The following TRAPPC8 variants were observed in gnomAD, a reference collection of about 807,000 sequenced individuals.
TRAPPC8 encodes the protein trafficking protein particle complex subunit 8.
TRAPPC8 carries 54 observed loss-of-function variants against 174.3 expected under a neutral mutation model. That is an observed-to-expected ratio of 0.31 (90% CI 0.25 to 0.39). TRAPPC8 has a LOEUF of 0.39. Among genes scored for constraint, TRAPPC8 ranks in the 10% least tolerant of loss-of-function variants. TRAPPC8 has a pLI of 1.00. For missense variants in TRAPPC8, 1,531 were observed against 1,699.1 expected, an observed-to-expected ratio of 0.90 and a Z score of 1.74; for synonymous variants, 630 against 579.9, an observed-to-expected ratio of 1.09 and a Z score of -1.24.
chr18:31,908,918 A>T lies in TRAPPC8; in HGVS notation c.958T>A (p.Ser320Thr). Reference sequence around the variant, plus strand: ...TTTGTTTCATGTAACGATGAAGCAGATCTTAGATGATCTGGGCCATCAATA... The same window carrying T: ...TTTGTTTCATGTAACGATGAAGCAGTTCTTAGATGATCTGGGCCATCAATA... ...NSIDGPDHLR[S>T]ASSLHETKKG... Residue 320 changes from serine (S) to threonine (T), a missense_variant, in exon 7 of 29, where the codon TCT becomes ACT. Ser to Thr is a moderately conservative substitution (Grantham distance 58). Transcript: ENST00000283351. 1.9e-6 allele frequency: 3 copies of T among 1,613,788 alleles called. No individual in the cohort carries two copies. Among genetic ancestry groups the T allele is most frequent in the Non-Finnish European group, 2.5e-6 (3 of 1,179,800 alleles).
intron 20 of TRAPPC8, among the ~76,000 whole-genome samples, chr18:31,856,397 T>C (rs2034014119): frequency 6.6e-6 from 1 of 152,192 alleles, no homozygotes; most frequent in Non-Finnish European, 1.5e-5. Context: ...AAATCAATCA[T>C]ATTCACCATC....
chr18:31,863,381 C>A (rs189559656), intron 19 of TRAPPC8, among the ~76,000 whole-genome samples: 3 of 152,154 alleles, frequency 2.0e-5, no homozygotes, highest in African/African-American at 7.2e-5. Context: ...TTAGTCAAAT[C>A]TAGAACATGG....
At chr18:31,849,782 ATGT>A in intron 24 of TRAPPC8, 43 bp from the exon 25 acceptor site, 6 of 1,509,234 alleles carry the variant, frequency 4.0e-6, no homozygotes, top group Non-Finnish European at 5.3e-6. Flanking sequence ...GCTTTTAATT[ATGT>A]TGTCAAAATT....
chr18:31,920,585 G>GC, intron 2 of TRAPPC8, among the ~76,000 whole-genome samples: 1 of 149,894 alleles, frequency 6.7e-6, no homozygotes, highest in East Asian at 2.2e-4. Context: ...CAGATCGATT[G>GC]AGCTCAGGAA....
intron 26 of TRAPPC8, among the ~76,000 whole-genome samples, chr18:31,845,740 C>G (rs541216473): frequency 2.6e-5 from 4 of 151,768 alleles, no homozygotes; most frequent in African/African-American, 9.7e-5. Flanking sequence ...AAAAAGTTGT[C>G]AAAACTAATG....
chr18:31,903,256 TACG>T (rs772723352), intron 9 of TRAPPC8, among the ~76,000 whole-genome samples: 33 of 152,300 alleles, frequency 2.2e-4, no homozygotes, highest in Admixed American at 1.2e-3. Flanking sequence ...GAGCAGAGGC[TACG>T]ACAAGAATGA....
chr18:31,877,229 A>C (rs1353306296), intron 12 of TRAPPC8, among the ~76,000 whole-genome samples: 1 of 152,172 alleles, frequency 6.6e-6, no homozygotes, highest in East Asian at 1.9e-4. Context: ...ACTGTTGTGA[A>C]CACAGGAGAG....
At chr18:31,932,072 T>C (rs914615734) in intron 1 of TRAPPC8, among the ~76,000 whole-genome samples, 1 of 152,072 alleles carries the variant, frequency 6.6e-6, no homozygotes, top group African/African-American at 2.4e-5. Flanking sequence ...GTAGAAACTC[T>C]CTGTACTTTC....
chr18:31,916,373 T>A lies in TRAPPC8; in HGVS notation c.516A>T (p.Arg172=). The change falls in exon 4 of 29, where the codon CGA becomes CGT. Residue 172 remains arginine (R), a synonymous_variant. Transcript: ENST00000283351. ...AGGAATAATCACTGTTGTGCTGAAT[T>A]CGATGCTGTTCTTGTGACAACTTTG... is the stretch of plus-strand genomic sequence containing the variant. ...QFSKLSQEQH[R]IQHNSDYSYP... The A allele has an allele frequency of 6.2e-7, 1 of 1,614,020 alleles. No individual in the cohort carries two copies. Among genetic ancestry groups the A allele is most frequent in the African/African-American group, 1.3e-5 (1 of 75,056 alleles).
At chr18:31,937,857 C>T (rs1337661190) in intron 1 of TRAPPC8, among the ~76,000 whole-genome samples, 1 of 152,168 alleles carries the variant, frequency 6.6e-6, no homozygotes, top group East Asian at 1.9e-4. Context: ...GCGCCCACCA[C>T]CACACCAGGC....
intron 1 of TRAPPC8, among the ~76,000 whole-genome samples, chr18:31,935,106 A>T (rs936622853): frequency 6.6e-6 from 1 of 151,972 alleles, no homozygotes; most frequent in Non-Finnish European, 1.5e-5. Context: ...ACACTTTGAG[A>T]GGCCTTGGCG....
rs775582621 is a variant in TRAPPC8, at chr18:31,915,888, GAAAAA to G, written c.617+379_617+383del. ...GGCGACAGAGTGAGACTCCATCTCA[GAAAAA>G]AAAAAAAAAAAAAATTAGCTGGGCA... is the stretch of plus-strand genomic sequence containing the variant. On this transcript the variant is annotated intron_variant, in intron 4 of 28. Coordinates refer to ENST00000283351, the MANE Select transcript of TRAPPC8 (RefSeq NM_014939.5). Among the ~76,000 whole-genome samples, 18 of 82,880 alleles carry G rather than the reference GAAAAA, an allele frequency of 2.2e-4. No homozygotes were observed. In the Admixed American group the frequency reaches 2.5e-3, roughly 11 times the overall value. The allele number at this position is 82,880 out of a possible 152,430, so 54.4% of individuals were successfully genotyped here.
intron 2 of TRAPPC8, among the ~76,000 whole-genome samples, chr18:31,930,160 C>T (rs932314307): frequency 1.2e-4 from 18 of 151,420 alleles, no homozygotes; most frequent in Non-Finnish European, 2.4e-4. Context: ...CGCTCTGTTG[C>T]CCAGGCTGGA....
chr18:31,846,604 A>C, intron 26 of TRAPPC8, 112 bp downstream of exon 26: 1 of 841,544 alleles, frequency 1.2e-6, no homozygotes, highest in East Asian at 2.5e-5. Context: ...ACCAAAAAAC[A>C]AAACCTGAAC....
At position 31,857,736 on chromosome 18, in the gene TRAPPC8, A is replaced by G; in HGVS notation, c.2992T>C (p.Ser998Pro). Residue 998 changes from serine (S) to proline (P), a missense_variant, in exon 20 of 29, where the codon TCA becomes CCA. Physicochemically the swap from Ser to Pro is moderately conservative, Grantham distance 74. Coordinates refer to ENST00000283351, the MANE Select transcript of TRAPPC8 (RefSeq NM_014939.5). ...ATGCCAAAGTCTACAGAAGAAGCTG[A>G]TGATATGAGTGCTGTACACACAGAG... ...ATSVCTALISSASSVDFGIGT... is the reference protein window; with the variant it reads ...ATSVCTALISPASSVDFGIGT... The G allele has an allele frequency of 6.2e-7, 1 of 1,614,174 alleles. No homozygotes were observed. The highest frequency in any genetic ancestry group is 8.5e-7 in the Non-Finnish European group (1 of 1,180,018).
rs114572227 is a variant in TRAPPC8 at position 31,848,044 on chromosome 18, T to C, written c.3736-1227A>G. Among the ~76,000 whole-genome samples, 1,098 of 152,278 alleles carry C rather than the reference T, an allele frequency of 7.2e-3. 15 individuals carry two copies. The highest frequency in any genetic ancestry group is 0.025 in the African/African-American group (1,054 of 41,552). On this transcript the variant is annotated intron_variant, in intron 25 of 28. Transcript: ENST00000283351. The stretch of plus-strand genomic sequence containing the variant: ...CTACAACTTTAATGACTTTTCAAGT[T>C]TTCTTTAATCTAATGAATCATTTTT...
Position 31,855,706 on chromosome 18 carries a change from C to T in TRAPPC8, c.3290G>A (p.Arg1097Lys), listed in dbSNP as rs1363552911. ...CACAAAGACTAGCATATTGCCTCCTCTGCCTTCTTCATTTTCAAGAGAATT... is the reference window on the plus strand; with the variant it reads ...CACAAAGACTAGCATATTGCCTCCTTTGCCTTCTTCATTTTCAAGAGAATT... ...RSNSLENEEG[R>K]GGNMLVFVDV... The change falls in exon 21 of 29, where the codon AGA (arginine) becomes AAA (lysine). Residue 1097 changes from arginine (R) to lysine (K), a missense_variant. By Grantham distance (26) the Arg-to-Lys change is conservative. Coordinates refer to ENST00000283351, the MANE Select transcript of TRAPPC8 (RefSeq NM_014939.5). 2 of 1,610,888 alleles carry T rather than the reference C, an allele frequency of 1.2e-6. No homozygotes were observed. The highest frequency in any genetic ancestry group is 1.7e-5 in the Admixed American group (1 of 59,166).
At chr18:31,917,878 C>T (rs2037217320) in intron 2 of TRAPPC8, among the ~76,000 whole-genome samples, 1 of 152,156 alleles carries the variant, frequency 6.6e-6, no homozygotes, top group Admixed American at 6.6e-5. Flanking sequence ...AATCCCAGCA[C>T]TTTGGGAGGC....
At chr18:31,905,551 T>C (rs2036622902) in intron 9 of TRAPPC8, among the ~76,000 whole-genome samples, 1 of 152,192 alleles carries the variant, frequency 6.6e-6, no homozygotes, top group East Asian at 1.9e-4. Context: ...ATTTTTTATA[T>C]TCCCTGAGGT....
Sources: gnomAD v4.1 joint callset for allele counts (sites outside exome capture counted in the v4.1 genomes callset) on GRCh38, gnomAD v4.1.1 for gene constraint, MANE v1.5 for transcripts, NCBI Gene and HGNC (gene_info 2026-07-23, HGNC 2026-07-21) for gene names.